The following R3HDM1 variants were observed in gnomAD, a reference collection of about 807,000 sequenced individuals.
The protein encoded by R3HDM1 is R3H domain-containing protein 1.
Under a neutral mutation model 141.1 loss-of-function variants are expected in R3HDM1, and 46 were observed. That is an observed-to-expected ratio of 0.33 (90% confidence interval 0.26 to 0.42). The LOEUF is 0.42. Among genes scored for constraint, R3HDM1 ranks in the 10% least tolerant of loss-of-function variants. R3HDM1 has a pLI of 1.00. For synonymous variants in R3HDM1, 435 were observed against 472.9 expected (o/e 0.92, Z 1.04); for missense variants, 1,184 against 1,368.3 (o/e 0.87, Z 2.12).
intron 15 of R3HDM1, among the ~76,000 whole-genome samples, chr2:135,644,621 T>C (rs1166442406): frequency 2.6e-5 from 4 of 152,200 alleles, no homozygotes; most frequent in African/African-American, 4.8e-5. Context: ...ATTAGTGAAA[T>C]ATATGTAATG....
chr2:135,674,865 T>C (rs971148051), intron 19 of R3HDM1, among the ~76,000 whole-genome samples: 6 of 152,046 alleles, frequency 3.9e-5, no homozygotes, highest in African/African-American at 1.4e-4. Flanking sequence ...GAATGGAACC[T>C]CTGCAGATGC....
chr2:135,651,703 C>G, intron 17 of R3HDM1, 27 bp from the exon 18 acceptor site: 2 of 1,577,078 alleles, frequency 1.3e-6, no homozygotes, highest in Middle Eastern at 1.7e-4. Context: ...AGAAGGCTTA[C>G]TAATTTTTGA....
chr2:135,634,414 G>A (rs770602963), intron 9 of R3HDM1, among the ~76,000 whole-genome samples: 4 of 152,162 alleles, frequency 2.6e-5, no homozygotes, highest in Non-Finnish European at 5.9e-5. Context: ...ACTGAGGCAG[G>A]TGGATCACTT....
chr2:135,564,792 T>C (rs1166721741), intron 1 of R3HDM1, among the ~76,000 whole-genome samples: 1 of 152,198 alleles, frequency 6.6e-6, no homozygotes, highest in Non-Finnish European at 1.5e-5. Flanking sequence ...ATATGAAAAC[T>C]AGCCACCAAT....
chr2:135,643,177 C>G (rs756206051), intron 15 of R3HDM1, among the ~76,000 whole-genome samples: 34 of 151,862 alleles, frequency 2.2e-4, no homozygotes, highest in South Asian at 1.0e-3. Flanking sequence ...TTAAGATGAC[C>G]CTTAAATTAC....
Position 135,604,920 on chromosome 2 carries a change from T to C in R3HDM1, c.75T>C (p.Asp25=). ...AGGATTTGGAGGCAGAAGTGAAAGA[T>C]ACAACCAGAGTTGAAAATCTTATCA... ...TMKDLEAEVK[D]TTRVENLIKS... The change falls in exon 3 of 27, where the codon GAT becomes GAC. Residue 25 remains aspartate (D), a synonymous_variant. Transcript: ENST00000683871. 5 of 1,612,054 alleles carry C rather than the reference T, an allele frequency of 3.1e-6. No individual in the cohort carries two copies. Among genetic ancestry groups the C allele is most frequent in the Non-Finnish European group, 4.2e-6 (5 of 1,178,386 alleles).
intron 20 of R3HDM1, among the ~76,000 whole-genome samples, chr2:135,678,474 G>A (rs986233366): frequency 7.2e-5 from 11 of 151,796 alleles, no homozygotes; most frequent in African/African-American, 2.4e-4. Context: ...CAGGCCTGGC[G>A]CAGTGGCTCA....
At chr2:135,563,931 G>T (rs1048743898) in intron 1 of R3HDM1, among the ~76,000 whole-genome samples, 5 of 152,180 alleles carry the variant, frequency 3.3e-5, no homozygotes, top group African/African-American at 1.2e-4. Context: ...ATCATAGGGA[G>T]GGTAAAGGGA....
chr2:135,621,624 GTT>G lies in R3HDM1; in HGVS notation c.418+24_418+25del, dbSNP rs3834114. 6.6e-7 allele frequency: 1 copy of G among 1,506,790 alleles called. No homozygotes were observed. Among genetic ancestry groups the G allele is most frequent in the Admixed American group, 2.3e-5 (1 of 43,526 alleles). The allele number at this position is 1,506,790 out of a possible 1,614,324, so 93.3% of individuals were successfully genotyped here. On this transcript the variant is annotated intron_variant, in intron 6 of 26. Transcript: ENST00000683871. ...TTATCAAGAGGTTTGCAGTTCTTTT[GTT>G]TTTTTTTAAAAAAAAATTTTGCTAT...
chr2:135,672,300 C>T (rs992758052), intron 19 of R3HDM1, among the ~76,000 whole-genome samples: 24 of 152,108 alleles, frequency 1.6e-4, no homozygotes, highest in Non-Finnish European at 2.9e-4. Context: ...TGTGTAAAAC[C>T]TTTGCTTCTT....
intron 19 of R3HDM1, among the ~76,000 whole-genome samples, chr2:135,662,331 A>G (rs2066835319): frequency 6.6e-6 from 1 of 152,208 alleles, no homozygotes; most frequent in Non-Finnish European, 1.5e-5. Flanking sequence ...CCAGTTTAGG[A>G]GAAGCATCTC....
chr2:135,692,568 G>C (rs2072591025), intron 21 of R3HDM1, among the ~76,000 whole-genome samples: 1 of 151,984 alleles, frequency 6.6e-6, no homozygotes, highest in Non-Finnish European at 1.5e-5. Context: ...CTCCAGCCTG[G>C]GCCAAAGAGC....
At chr2:135,566,803 G>A (rs7561180) in intron 1 of R3HDM1, 51 of 982,018 alleles carry the variant, frequency 5.2e-5, no homozygotes, top group Admixed American at 2.5e-4. Context: ...GTGAAACCCC[G>A]TCTCTACAAA....
Position 135,710,223 on chromosome 2 carries a change from A to G in R3HDM1, c.2728A>G (p.Ile910Val). 1.2e-6 allele frequency: 2 copies of G among 1,612,974 alleles called. No homozygotes were observed. Among genetic ancestry groups the G allele is most frequent in the East Asian group, 2.2e-5 (1 of 44,870 alleles). ...TGTAGAATTTAGCAGTGTAGACAAT[A>G]TTGTCCAGGTAAGATGGTTTTGTTC... ...KCVEFSSVDN[I>V]VQHSPQLSSP... The change falls in exon 23 of 27, where the codon ATT (isoleucine) becomes GTT (valine). Residue 910 changes from isoleucine to valine, a missense_variant. Transcript: ENST00000683871.
chr2:135,635,734 TTG>T (rs2063186767), intron 9 of R3HDM1, among the ~76,000 whole-genome samples, 154 bp from the exon 10 acceptor site: 1 of 152,224 alleles, frequency 6.6e-6, no homozygotes, highest in African/African-American at 2.4e-5. Flanking sequence ...CATGAGATTA[TTG>T]TGAGGACTAA....
chr2:135,538,682 T>G (rs1489874015), intron 1 of R3HDM1, among the ~76,000 whole-genome samples: 1 of 152,162 alleles, frequency 6.6e-6, no homozygotes, highest in Non-Finnish European at 1.5e-5. Flanking sequence ...GGCACGATCT[T>G]GGCTCACTGC....
Position 135,649,996 on chromosome 2 carries a change from A to T in R3HDM1, c.1718A>T (p.Tyr573Phe). ...CTGCCAGTCTCACCCACCCAGCAAT[A>T]CTCTGTGGTACTATATCTCTATTCA... The part of the protein sequence containing the change: ...PFLPVSPTQQ[Y>F]SVQDNLGSQF... Residue 573 changes from tyrosine (Y) to phenylalanine (F), a missense_variant, in exon 17 of 27, where the codon TAC becomes TTC. Physicochemically the swap from Tyr to Phe is conservative, Grantham distance 22 (BLOSUM62 3). Around this residue, in one of 5 missense-constraint regions of R3HDM1, gnomAD observed 563 missense variants for 562.0 expected, o/e 1.00. Coordinates refer to ENST00000683871, the MANE Select transcript of R3HDM1 (RefSeq NM_001378107.1). 1 of 1,278,876 alleles carries T rather than the reference A, an allele frequency of 7.8e-7. No individual in the cohort carries two copies. The highest frequency in any genetic ancestry group is 1.0e-6 in the Non-Finnish European group (1 of 976,600). 79.2% of individuals were successfully genotyped at this position (1,278,876 alleles called of 1,614,324 possible).
intron 23 of R3HDM1, among the ~76,000 whole-genome samples, chr2:135,714,015 A>G (rs1338459819): frequency 6.6e-6 from 1 of 152,208 alleles, no homozygotes; most frequent in East Asian, 1.9e-4. Flanking sequence ...AAAGATCACC[A>G]CCAAGAAAAC....
chr2:135,572,528 A>C (rs1704373069), intron 1 of R3HDM1, among the ~76,000 whole-genome samples: 1 of 152,194 alleles, frequency 6.6e-6, no homozygotes, highest in African/African-American at 2.4e-5. Flanking sequence ...ATAATAAAAC[A>C]ACACACACAA....
Sources: gnomAD v4.1 joint callset for allele counts (sites outside exome capture counted in the v4.1 genomes callset) on GRCh38, gnomAD v4.1.1 for gene constraint, gnomAD v4.1.1 regional missense constraint, MANE v1.5 for transcripts, NCBI Gene and HGNC (gene_info 2026-07-23, HGNC 2026-07-21) for gene names.